AUTS2: variants seen among roughly 807,000 people sequenced by gnomAD.
The protein encoded by AUTS2 is activator of transcription and developmental regulator AUTS2.
A neutral mutation model predicts 112.4 loss-of-function variants in AUTS2; 17 were observed. The observed-to-expected ratio is 0.15, with a 90% CI of 0.10 to 0.23. AUTS2 has a LOEUF of 0.23. Ranked by LOEUF, AUTS2 falls within the 10% of genes least tolerant of loss-of-function variation. AUTS2 has a pLI of 1.00. For missense variants in AUTS2, 1,510 were observed against 1,701.6 expected, an observed-to-expected ratio of 0.89 and a Z score of 1.98; for synonymous variants, 751 against 702.7, an observed-to-expected ratio of 1.07 and a Z score of -1.09.
chr7:70,214,166 A>T (rs186026750), intron 4 of AUTS2, among the ~76,000 whole-genome samples: 1 of 151,902 alleles, frequency 6.6e-6, no homozygotes, highest in Non-Finnish European at 1.5e-5. Context: ...TTTGTTTCAA[A>T]CTCTGTGCTC....
At chr7:70,725,252 C>A (rs1457834099) in intron 6 of AUTS2, among the ~76,000 whole-genome samples, 5 of 151,990 alleles carry the variant, frequency 3.3e-5, no homozygotes, top group Non-Finnish European at 5.9e-5. Flanking sequence ...AAGTGAGTGC[C>A]CTGGCTGAAC....
chr7:70,617,185 C>T (rs1284367977), intron 5 of AUTS2, among the ~76,000 whole-genome samples: 3 of 152,124 alleles, frequency 2.0e-5, no homozygotes, highest in Non-Finnish European at 2.9e-5. Flanking sequence ...TCTAGCATCA[C>T]ATTTGCATTC....
At chr7:70,539,633 A>G (rs1361221468) in intron 5 of AUTS2, among the ~76,000 whole-genome samples, 1 of 152,110 alleles carries the variant, frequency 6.6e-6, no homozygotes, top group African/African-American at 2.4e-5. Flanking sequence ...TTTTTTTAAC[A>G]TAAAGTTAAA....
chr7:70,077,333 G>A (rs10156142), intron 2 of AUTS2, among the ~76,000 whole-genome samples: 12,217 of 152,184 alleles, frequency 0.08, 630 homozygotes, highest in African/African-American at 0.13. Flanking sequence ...TGCGCCCTAC[G>A]TCCCAGTAGT....
chr7:69,972,863 C>T (rs1260410610), intron 2 of AUTS2, among the ~76,000 whole-genome samples: 1 of 152,130 alleles, frequency 6.6e-6, no homozygotes. Flanking sequence ...GTCTGTTCCT[C>T]TACCAAGATC....
At chr7:70,068,738 A>G (rs562898138) in intron 2 of AUTS2, among the ~76,000 whole-genome samples, 9 of 152,292 alleles carry the variant, frequency 5.9e-5, no homozygotes, top group Non-Finnish European at 1.0e-4. Context: ...AGCCACTTCA[A>G]CTCCTCAGAT....
chr7:70,560,652 T>C (rs570217275), intron 5 of AUTS2, among the ~76,000 whole-genome samples: 219 of 152,384 alleles, frequency 1.4e-3, no homozygotes, highest in Non-Finnish European at 2.5e-3. Context: ...TCTTAATATT[T>C]TGTGAAATCC....
At chr7:70,108,149 G>A (rs1251695403) in intron 2 of AUTS2, among the ~76,000 whole-genome samples, 2 of 152,144 alleles carry the variant, frequency 1.3e-5, no homozygotes, top group African/African-American at 2.4e-5. Flanking sequence ...GCTATGGACA[G>A]TGTAGGGGCT....
intron 2 of AUTS2, among the ~76,000 whole-genome samples, chr7:70,071,243 A>G (rs748894126): frequency 1.3e-5 from 2 of 152,204 alleles, no homozygotes; most frequent in Non-Finnish European, 2.9e-5. Context: ...CTTACTTCGC[A>G]GCTCTCCTCT....
At chr7:70,241,024 A>G (rs1812583778) in intron 4 of AUTS2, among the ~76,000 whole-genome samples, 1 of 152,226 alleles carries the variant, frequency 6.6e-6, no homozygotes, top group Non-Finnish European at 1.5e-5. Context: ...GTGCTGGAGA[A>G]TCCATGAAGT....
intron 1 of AUTS2, among the ~76,000 whole-genome samples, chr7:69,716,615 A>G (rs1313118291): frequency 6.6e-6 from 1 of 152,104 alleles, no homozygotes; most frequent in Non-Finnish European, 1.5e-5. Context: ...TTTTGACCCT[A>G]TATACCAGGC....
intron 6 of AUTS2, among the ~76,000 whole-genome samples, chr7:70,712,551 G>A (rs1039257093): frequency 2.6e-5 from 4 of 152,166 alleles, no homozygotes; most frequent in African/African-American, 7.2e-5. Flanking sequence ...GTGGTTGTTA[G>A]CCATGCAGAA....
intron 2 of AUTS2, among the ~76,000 whole-genome samples, chr7:70,027,548 T>C (rs1380534700): frequency 6.6e-6 from 1 of 152,158 alleles, no homozygotes; most frequent in African/African-American, 2.4e-5. Flanking sequence ...TGAACTAAAC[T>C]TAAGACACTA....
intron 2 of AUTS2, among the ~76,000 whole-genome samples, chr7:70,109,652 A>G (rs1199907595): frequency 6.6e-6 from 1 of 152,226 alleles, no homozygotes; most frequent in Non-Finnish European, 1.5e-5. Context: ...CCAACGTTTT[A>G]TCATGCAGAT....
At position 70,134,236 on chromosome 7, in the gene AUTS2, C is replaced by T. The variant is rs867576363; in HGVS notation, c.625-300C>T. Among the ~76,000 whole-genome samples, 6 of 152,150 alleles carry T rather than the reference C, an allele frequency of 3.9e-5. 1 individual carries two copies. The highest frequency in any genetic ancestry group is 6.8e-3 in the Middle Eastern group (2 of 294). On this transcript the variant is annotated intron_variant, in intron 3 of 18. Transcript: ENST00000342771. ...GTGTCTGTTTAGTCTCAGTGCAGGGCGAAATGCCATCATTAATTCATTACC... is the reference window on the plus strand; with the variant it reads ...GTGTCTGTTTAGTCTCAGTGCAGGGTGAAATGCCATCATTAATTCATTACC...
Position 70,539,759 on chromosome 7 carries a change from C to T in AUTS2, c.690+103978C>T, listed in dbSNP as rs1162099511. On this transcript the variant is annotated intron_variant, in intron 5 of 18. Transcript: ENST00000342771. ...ATGGGCGTCTGTGGGAGAGTGGCAG[C>T]AATTTTTAAAATCCTGCCAGTGCTT... Among the ~76,000 whole-genome samples the T allele has an allele frequency of 2.0e-5, 3 of 152,144 alleles. No homozygotes were observed. In the East Asian group the frequency reaches 5.8e-4, roughly 29 times the overall value.
intron 1 of AUTS2, among the ~76,000 whole-genome samples, chr7:69,647,981 CT>C (rs1795108389): frequency 6.6e-6 from 1 of 152,136 alleles, no homozygotes; most frequent in Non-Finnish European, 1.5e-5. Flanking sequence ...GACATCTGCC[CT>C]AATCCACCCT....
rs1787497668 is a variant in AUTS2 at position 69,746,379 on chromosome 7, A to G, written c.309+146417A>G. On this transcript the variant is annotated intron_variant, in intron 1 of 18. Transcript: ENST00000342771. ...ACTTGGGAGAAACAGACTTCAAGCA[A>G]ATAAACACCAAGTAAATATTTGGTA... 3.9e-5 allele frequency among the ~76,000 whole-genome samples: 6 copies of G among 152,310 alleles called. No homozygotes were observed. In the South Asian group the frequency reaches 1.2e-3, roughly 32 times the overall value.
intron 1 of AUTS2, among the ~76,000 whole-genome samples, chr7:69,624,339 GT>G (rs544021599): frequency 6.6e-6 from 1 of 151,990 alleles, no homozygotes; most frequent in African/African-American, 2.4e-5. Flanking sequence ...TGGTTTCTTA[GT>G]TTTTTTTAAA....
Sources: allele counts gnomAD v4.1 joint callset (sites outside exome capture counted in the v4.1 genomes callset), GRCh38; gene constraint gnomAD v4.1.1; transcripts MANE v1.5; gene names NCBI Gene and HGNC (gene_info 2026-07-23, HGNC 2026-07-21).